The following SH3TC1 variants were observed in gnomAD, a reference collection of about 807,000 sequenced individuals.
SH3TC1 encodes the protein SH3 domain and tetratricopeptide repeats 1.
A neutral mutation model predicts 117.3 loss-of-function variants in SH3TC1; 135 were observed. The observed-to-expected ratio is 1.15, with a 90% CI of 1.00 to 1.33. SH3TC1 has a LOEUF of 1.33. Among genes scored for constraint, SH3TC1 ranks in the 40% most tolerant of loss-of-function variants. The probability of loss-of-function intolerance (pLI) is 0.00; values close to 1 mark genes in which losing one functional copy is unlikely to be tolerated. For synonymous variants in SH3TC1, 898 were observed against 816.9 expected, an observed-to-expected ratio of 1.10 and a Z score of -1.69; for missense variants, 2,092 against 1,794.3, an observed-to-expected ratio of 1.17 and a Z score of -3.00.
Position 8,232,002 on chromosome 4 carries a change from T to G in SH3TC1, c.2977T>G (p.Cys993Gly). The change falls in exon 13 of 18, where the codon TGC (cysteine) becomes GGC (glycine). Residue 993 changes from cysteine (C) to glycine (G), a missense_variant. By Grantham distance (159) the Cys-to-Gly change is radical. Transcript: ENST00000245105. ...ESQLRAVQRL[C>G]HFYSAVMPSE... ...CCAGCTGCGGGCCGTCCAGCGGCTG[T>G]GCCACTTCTACAGCGCCGTCATGCC... The G allele has an allele frequency of 6.2e-7, 1 of 1,612,428 alleles. No homozygotes were observed. Among genetic ancestry groups the G allele is most frequent in the Non-Finnish European group, 8.5e-7 (1 of 1,180,006 alleles).
chr4:8,203,297 T>TGC (rs1257442945), intron 1 of SH3TC1, among the ~76,000 whole-genome samples: 1 of 151,876 alleles, frequency 6.6e-6, no homozygotes, highest in Non-Finnish European at 1.5e-5. Context: ...TGTGTGTGTG[T>TGC]GCTTGCACAC....
upstream of SH3TC1, among the ~76,000 whole-genome samples, chr4:8,195,412 T>A (rs113946425): frequency 4.3e-4 from 66 of 152,292 alleles, no homozygotes; most frequent in African/African-American, 1.5e-3. Flanking sequence ...CAGCCTCCAG[T>A]TGGGCGTGCT....
intron 9 of SH3TC1, 85 bp downstream of exon 9, chr4:8,219,615 G>A (rs994500068): frequency 1.1e-4 from 149 of 1,351,630 alleles, no homozygotes; most frequent in Non-Finnish European, 1.4e-4. Context: ...GGCTCCCCAG[G>A]TAACAAGCCT....
intron 17 of SH3TC1, 60 bp from the exon 18 acceptor site, chr4:8,240,638 G>A (rs1166025416): frequency 1.8e-5 from 29 of 1,600,516 alleles, no homozygotes; most frequent in East Asian, 2.2e-5. Flanking sequence ...GCACAGGAAC[G>A]GCCTCTGGGG....
In SH3TC1 at chr4:8,228,209, G is replaced by T; in HGVS notation, c.2515G>T (p.Gly839Trp). ...CCTGGCCTGGCTGCACGTGCTTCATGGGCAGAGCCCGGTGGCCCTGGACAT... is the reference window on the plus strand; with the variant it reads ...CCTGGCCTGGCTGCACGTGCTTCATTGGCAGAGCCCGGTGGCCCTGGACAT... ...VALAWLHVLH[G>W]QSPVALDILQ... is the part of the protein sequence containing the mutation. The change falls in exon 12 of 18, where the codon GGG (glycine) becomes TGG (tryptophan). Residue 839 changes from glycine (G) to tryptophan (W), a missense_variant. Coordinates refer to ENST00000245105, the MANE Select transcript of SH3TC1 (RefSeq NM_018986.5). 3 of 1,609,364 alleles carry T rather than the reference G, an allele frequency of 1.9e-6. No homozygotes were observed. The highest frequency in any genetic ancestry group is 2.5e-6 in the Non-Finnish European group (3 of 1,177,484).
In SH3TC1 at chr4:8,216,249, T is replaced by A. The variant is rs879920274; in HGVS notation, c.620T>A (p.Ile207Asn). 1 of 1,613,254 alleles carries A rather than the reference T, an allele frequency of 6.2e-7. No individual in the cohort carries two copies. The highest frequency in any genetic ancestry group is 8.5e-7 in the Non-Finnish European group (1 of 1,179,846). The change falls in exon 6 of 18, where the codon ATC (isoleucine) becomes AAC (asparagine). Residue 207 changes from isoleucine (I) to asparagine (N), a missense_variant. Coordinates refer to ENST00000245105, the MANE Select transcript of SH3TC1 (RefSeq NM_018986.5). Reference sequence around the variant, plus strand: ...AGGCTGACCCACGAGAGCCTCCTCATCCAAGAAGGTGAGCGTTGCATGGGG... The same window carrying A: ...AGGCTGACCCACGAGAGCCTCCTCAACCAAGAAGGTGAGCGTTGCATGGGG... ...ALRLTHESLL[I>N]QEGPFFVLCP...
intron 1 of SH3TC1, among the ~76,000 whole-genome samples, chr4:8,191,272 G>A (rs964014685): frequency 3.3e-5 from 5 of 152,228 alleles, no homozygotes; most frequent in East Asian, 1.9e-4. Context: ...CCAGGCTGAC[G>A]CCTGCCCCGA....
chr4:8,224,134 T>A (rs1321667617), intron 10 of SH3TC1, among the ~76,000 whole-genome samples: 1 of 152,134 alleles, frequency 6.6e-6, no homozygotes, highest in Non-Finnish European at 1.5e-5. Flanking sequence ...TGCACCTTCC[T>A]CACAAGGTGT....
chr4:8,212,597 C>T (rs916164707), intron 3 of SH3TC1, 104 bp from the exon 4 acceptor site: 98 of 1,507,162 alleles, frequency 6.5e-5, no homozygotes, highest in African/African-American at 1.7e-4. Context: ...CCCAGGCCTT[C>T]GGGGTCAGGT....
intron 13 of SH3TC1, chr4:8,232,730 A>G: frequency 7.8e-7 from 1 of 1,289,846 alleles, no homozygotes; most frequent in Non-Finnish European, 1.0e-6. Context: ...TGCTGCACTC[A>G]CACCCCTTCG....
intron 13 of SH3TC1, 193 bp downstream of exon 13, chr4:8,232,349 T>A: frequency 6.4e-7 from 1 of 1,570,394 alleles, no homozygotes; most frequent in Non-Finnish European, 8.6e-7. Context: ...GAGTCCCAGC[T>A]TGAGCTTCCC....
At chr4:8,187,091 T>G (rs1717242596) in intron 1 of SH3TC1, among the ~76,000 whole-genome samples, 1 of 152,178 alleles carries the variant, frequency 6.6e-6, no homozygotes, top group African/African-American at 2.4e-5. Context: ...CAGGAAGCCT[T>G]CCCTGACTGC....
Position 8,228,418 on chromosome 4 carries a change from C to T in SH3TC1, c.2724C>T (p.Asn908=). ...GGAACCAGGCAGTGGGGCTGGCCAA[C>T]TTCGGGGCCCTGTGCCTGCATGCGG... ...QQRNQAVGLA[N]FGALCLHAGA... Residue 908 remains asparagine (N), a synonymous_variant, in exon 12 of 18, where the codon AAC becomes AAT. Transcript: ENST00000245105. 6.2e-7 allele frequency: 1 copy of T among 1,606,152 alleles called. No individual in the cohort carries two copies. Among genetic ancestry groups the T allele is most frequent in the Non-Finnish European group, 8.5e-7 (1 of 1,176,076 alleles).
chr4:8,233,207 A>G (rs781071137), intron 13 of SH3TC1, 156 bp from the exon 14 acceptor site: 6 of 1,410,280 alleles, frequency 4.3e-6, no homozygotes, highest in Non-Finnish European at 5.5e-6. Flanking sequence ...GTTCAACCCC[A>G]CCCTCTCAGC....
At chr4:8,189,300 A>T (rs1366706208) in intron 1 of SH3TC1, among the ~76,000 whole-genome samples, 1 of 152,044 alleles carries the variant, frequency 6.6e-6, no homozygotes, top group Non-Finnish European at 1.5e-5. Context: ...AGTGCAGGGG[A>T]CCTGCCTAGG....
At chr4:8,215,959 A>G (rs760163711) in intron 5 of SH3TC1, 152 bp from the exon 6 acceptor site, 1 of 950,032 alleles carries the variant, frequency 1.1e-6, no homozygotes, top group Non-Finnish European at 1.5e-6. Flanking sequence ...GTGTGTAGCC[A>G]GCACTGTGGG....
chr4:8,195,927 T>C (rs1717545968), upstream of SH3TC1, among the ~76,000 whole-genome samples: 1 of 152,186 alleles, frequency 6.6e-6, no homozygotes, highest in Non-Finnish European at 1.5e-5. Flanking sequence ...GGCCATCATC[T>C]GAGCAGGGGC....
rs148487367 is a variant in SH3TC1 at position 8,227,561 on chromosome 4, G to A, written c.1867G>A (p.Val623Met). The change falls in exon 12 of 18, where the codon GTG becomes ATG. Residue 623 changes from valine (V) to methionine (M), a missense_variant. Coordinates refer to ENST00000245105, the MANE Select transcript of SH3TC1 (RefSeq NM_018986.5). ...GAAGAACCGGGAGAAGTGTGCACAG[G>A]TGGTGCCCAAAGCCATGGCCCTGCT... is the stretch of plus-strand genomic sequence containing the variant. ...KQKNREKCAQ[V>M]VPKAMALLLG... 517 of 1,524,126 alleles carry A rather than the reference G, an allele frequency of 3.4e-4. No individual in the cohort carries two copies. The highest frequency in any genetic ancestry group is 4.3e-4 in the Non-Finnish European group (488 of 1,139,040). The allele number at this position is 1,524,126 out of a possible 1,614,324, so 94.4% of individuals were successfully genotyped here. A position where few individuals can be genotyped will look rare whatever the true frequency, so the allele number is the denominator to read the frequency against.
chr4:8,228,629 A>T lies in SH3TC1; in HGVS notation c.2935A>T (p.Met979Leu). Residue 979 changes from methionine to leucine, a missense_variant, in exon 12 of 18, where the codon ATG becomes TTG. Physicochemically the swap from Met to Leu is conservative, Grantham distance 15 (BLOSUM62 2). Transcript: ENST00000245105. Reference sequence around the variant, plus strand: ...GTGGGCCCTTCTGGTCGCCGTGGAGATGGGCCACGTGGAGAGTGAGTGCCC... The same window carrying T: ...GTGGGCCCTTCTGGTCGCCGTGGAGTTGGGCCACGTGGAGAGTGAGTGCCC... ...YEWALLVAVEMGHVESQLRAV... is the reference protein window; with the variant it reads ...YEWALLVAVELGHVESQLRAV... 2 of 1,512,594 alleles carry T rather than the reference A, an allele frequency of 1.3e-6. No homozygotes were observed. The highest frequency in any genetic ancestry group is 1.8e-6 in the Non-Finnish European group (2 of 1,132,278). The allele number at this position is 1,512,594 out of a possible 1,614,324, so 93.7% of individuals were successfully genotyped here. A position where few individuals can be genotyped will look rare whatever the true frequency, so the allele number is the denominator to read the frequency against.
Sources: gnomAD v4.1 joint callset for allele counts (sites outside exome capture counted in the v4.1 genomes callset) on GRCh38, gnomAD v4.1.1 for gene constraint, MANE v1.5 for transcripts, NCBI Gene and HGNC (gene_info 2026-07-23, HGNC 2026-07-21) for gene names.